TTC19: variants seen among roughly 807,000 people sequenced by gnomAD.
TTC19 encodes tetratricopeptide repeat domain 19.
A neutral mutation model predicts 49.5 loss-of-function variants in TTC19; 38 were observed. The ratio of observed to expected loss-of-function variants is 0.77; its 90% confidence interval spans 0.59 to 1.01. TTC19 has a LOEUF of 1.01. Among genes scored for constraint, TTC19 ranks in the 50% least tolerant of loss-of-function variants. The pLI is 0.00. For missense variants in TTC19, 475 were observed against 477.7 expected (o/e 0.99, Z 0.05); for synonymous variants, 204 against 185.2 (o/e 1.10, Z -0.83).
At chr17:16,037,447 A>G (rs919262463) in intron 2 of TTC19, among the ~76,000 whole-genome samples, 4 of 152,190 alleles carry the variant, frequency 2.6e-5, no homozygotes, top group Admixed American at 2.6e-4. Context: ...GTATGCTTGC[A>G]TTTAAAAGAA....
chr17:16,027,413 T>C lies in TTC19; in HGVS notation c.1034T>C (p.Leu345Pro), dbSNP rs1175283123. The change falls in exon 10 of 10, where the codon CTG (leucine) becomes CCG (proline). Residue 345 changes from leucine to proline, a missense_variant. Leu to Pro is a moderately conservative substitution (Grantham distance 98). Transcript: ENST00000261647. The part of the protein sequence containing the change: ...TQAKEIYQEA[L>P]KQAKLKKDEI... ...GCAAAAGAGATCTACCAGGAAGCAC[T>C]GAAGCAAGCAAAGCTGAAAAAAGAT... 6.2e-7 allele frequency: 1 copy of C among 1,613,984 alleles called. No homozygotes were observed. Among genetic ancestry groups the C allele is most frequent in the African/African-American group, 1.3e-5 (1 of 74,932 alleles).
chr17:16,006,340 G>A, intron 6 of TTC19, 134 bp from the exon 7 acceptor site: 5 of 711,452 alleles, frequency 7.0e-6, no homozygotes, highest in Non-Finnish European at 1.3e-5. Flanking sequence ...AACCCCGGAG[G>A]TGGAGGTTGC....
chr17:16,007,246 C>G (rs1970938742), intron 7 of TTC19, among the ~76,000 whole-genome samples: 2 of 152,180 alleles, frequency 1.3e-5, no homozygotes, highest in Non-Finnish European at 2.9e-5. Flanking sequence ...CCAGCAGATG[C>G]CTGAAACGAC....
At chr17:16,007,454 GTTTT>G (rs531217854) in intron 7 of TTC19, among the ~76,000 whole-genome samples, 45 of 151,970 alleles carry the variant, frequency 3.0e-4, no homozygotes, top group Middle Eastern at 3.4e-3. Context: ...TTTGTTTTTT[GTTTT>G]TTGTTTTCTT....
chr17:16,006,491 C>T lies in TTC19; in HGVS notation c.599C>T (p.Ala200Val), dbSNP rs766044177. The T allele has an allele frequency of 4.3e-5, 69 of 1,612,048 alleles. No homozygotes were observed. The highest frequency in any genetic ancestry group is 5.5e-5 in the Non-Finnish European group (65 of 1,178,548). ...AAQNRQEFAV[A>V]GYEFCISTLE... ...CTTTACAGACAGGAATTTGCTGTTGCTGGCTATGAATTCTGCATTTCAACT... is the reference window on the plus strand; with the variant it reads ...CTTTACAGACAGGAATTTGCTGTTGTTGGCTATGAATTCTGCATTTCAACT... The change falls in exon 7 of 10, where the codon GCT becomes GTT. Residue 200 changes from alanine (A) to valine (V), a missense_variant. Ala to Val is a moderately conservative substitution (Grantham distance 64). Transcript: ENST00000261647.
chr17:16,017,893 C>A (rs565381362), intron 7 of TTC19, among the ~76,000 whole-genome samples: 1 of 152,210 alleles, frequency 6.6e-6, no homozygotes, highest in Admixed American at 6.5e-5. Context: ...CCTCTCTGAT[C>A]TGTATTTGTA....
At chr17:16,027,230 G>A in intron 9 of TTC19, 144 bp from the exon 10 acceptor site, 1 of 911,810 alleles carries the variant, frequency 1.1e-6, no homozygotes, top group Non-Finnish European at 1.7e-6. Context: ...CCTGTCAGAT[G>A]GGGATGAAAT....
downstream of TTC19, chr17:16,031,738 A>T: frequency 4.4e-6 from 1 of 229,878 alleles, no homozygotes; most frequent in Non-Finnish European, 8.6e-6. Flanking sequence ...GATTTTAAAC[A>T]TCACTGGAAA....
chr17:16,022,713 C>G (rs1971422247), intron 7 of TTC19, among the ~76,000 whole-genome samples: 1 of 152,034 alleles, frequency 6.6e-6, no homozygotes, highest in Admixed American at 6.6e-5. Flanking sequence ...TCTTTTATTC[C>G]TGGAATAAAT....
chr17:16,023,930 C>T (rs1025653052), intron 7 of TTC19: 1 of 152,174 alleles, frequency 6.6e-6, no homozygotes, highest in African/African-American at 2.4e-5. Context: ...TGAACGACAG[C>T]TTTGCTGGTA....
chr17:16,026,052 C>T (rs970653410), intron 8 of TTC19, among the ~76,000 whole-genome samples: 1 of 152,048 alleles, frequency 6.6e-6, no homozygotes, highest in African/African-American at 2.4e-5. Flanking sequence ...AATTCCATTT[C>T]AGTAGCCAAA....
At chr17:16,035,453 C>T (rs1416134837) in intron 2 of TTC19, among the ~76,000 whole-genome samples, 1 of 151,924 alleles carries the variant, frequency 6.6e-6, no homozygotes, top group Non-Finnish European at 1.5e-5. Flanking sequence ...GAAGCAACTC[C>T]TCATCCATTT....
At chr17:16,018,886 T>A (rs1439595357) in intron 7 of TTC19, among the ~76,000 whole-genome samples, 2 of 152,220 alleles carry the variant, frequency 1.3e-5, no homozygotes, top group African/African-American at 2.4e-5. Flanking sequence ...CTGTGTACTT[T>A]CAGCCTTGGC....
chr17:16,044,644 C>G (rs1251535777), exon 3 of TTC19: 2 of 642,324 alleles, frequency 3.1e-6, no homozygotes, highest in Non-Finnish European at 6.0e-6. Flanking sequence ...CCGAGCTCGC[C>G]TGCATCTACT....
chr17:16,024,816 A>G, intron 7 of TTC19: 1 of 587,984 alleles, frequency 1.7e-6, no homozygotes, highest in Non-Finnish European at 3.0e-6. Context: ...CCACATTTTA[A>G]TTGATGTGCG....
intron 3 of TTC19, 40 bp from the exon 4 acceptor site, chr17:16,002,753 A>G: frequency 6.3e-7 from 1 of 1,589,096 alleles, no homozygotes; most frequent in Non-Finnish European, 8.6e-7. Flanking sequence ...GTAGGAACAC[A>G]GTATTCTAAA....
intron 2 of TTC19, among the ~76,000 whole-genome samples, chr17:16,041,980 C>T (rs904488152): frequency 1.6e-4 from 25 of 152,048 alleles, no homozygotes; most frequent in African/African-American, 5.6e-4. Flanking sequence ...TCGATATGCC[C>T]GCCTCGGCCT....
intron 7 of TTC19, among the ~76,000 whole-genome samples, chr17:16,019,830 C>T (rs1971319370): frequency 6.6e-6 from 1 of 152,010 alleles, no homozygotes; most frequent in African/African-American, 2.4e-5. Context: ...GGTGCATATA[C>T]CAAATTGCTT....
At chr17:16,017,448 C>CA (rs372559333) in intron 7 of TTC19, among the ~76,000 whole-genome samples, 1,317 of 53,290 alleles carry the variant, frequency 0.025, 33 homozygotes, top group Non-Finnish European at 0.039. Context: ...GACTCCGGCT[C>CA]AAAAAAAAAA....
Sources: gnomAD v4.1 joint callset for allele counts (sites outside exome capture counted in the v4.1 genomes callset) on GRCh38, gnomAD v4.1.1 for gene constraint, MANE v1.5 for transcripts, NCBI Gene and HGNC (gene_info 2026-07-23, HGNC 2026-07-21) for gene names.